Variants in SMPD4 observed in about 807,000 individuals in gnomAD.
SMPD4 encodes sphingomyelin phosphodiesterase 4, also known as neutral sphingomyelinase 3.
In SMPD4, 58 loss-of-function variants were observed where a neutral mutation model predicts 97.8. That is an observed-to-expected ratio of 0.59 (90% CI 0.48 to 0.74). SMPD4 has a LOEUF of 0.74. Ranked by LOEUF, SMPD4 falls within the 30% of genes least tolerant of loss-of-function variation. SMPD4 has a pLI of 0.00. For missense variants in SMPD4, 853 were observed against 1,080.5 expected (o/e 0.79, Z 2.95); for synonymous variants, 388 against 450.0 (o/e 0.86, Z 1.74).
chr2:130,155,603 G>T (rs1052708428), intron 14 of SMPD4, among the ~76,000 whole-genome samples: 14 of 152,078 alleles, frequency 9.2e-5, no homozygotes, highest in Admixed American at 4.6e-4. Flanking sequence ...GGGCAAGGAG[G>T]GGAGGGATCA....
At chr2:130,181,656 C>A (rs1423310876), upstream of SMPD4, 15 of 1,551,530 alleles carry the variant, frequency 9.7e-6, no homozygotes, top group Non-Finnish European at 3.5e-6. Flanking sequence ...GCTTCCACCT[C>A]TTTGGGCCGT....
intron 3 of SMPD4, 147 bp from the exon 4 acceptor site, chr2:130,173,803 C>G: frequency 1.9e-6 from 2 of 1,045,202 alleles, no homozygotes; most frequent in Non-Finnish European, 2.8e-6. Flanking sequence ...CCAAAGGAAG[C>G]CTGGTGCCAT....
At chr2:130,154,662 G>A (rs750888967) in intron 15 of SMPD4, 180 bp from the exon 16 acceptor site, 1 of 743,178 alleles carries the variant, frequency 1.3e-6, no homozygotes, top group Non-Finnish European at 2.3e-6. Flanking sequence ...GAGGGCGGAT[G>A]GGGGAGCTGC....
At chr2:130,164,256 G>C in intron 10 of SMPD4, 118 bp downstream of exon 10, 6 of 841,048 alleles carry the variant, frequency 7.1e-6, no homozygotes, top group African/African-American at 1.7e-5. Context: ...TGACAGGTGG[G>C]TGGTGGGTTT....
chr2:130,173,451 G>A, intron 4 of SMPD4, 63 bp downstream of exon 4: 2 of 1,588,830 alleles, frequency 1.3e-6, no homozygotes, highest in Non-Finnish European at 1.7e-6. Flanking sequence ...TTCAGAGAGT[G>A]CTTTAAAGGT....
rs181441799 is a variant in SMPD4 at position 130,175,110 on chromosome 2, C to T, written c.40-110G>A. ...TCCAAGCAATAGGTTATGAGTCAGA[C>T]CCATAACCTCTGGCCTGGTTCCCCA... On this transcript the variant is annotated intron_variant, in intron 2 of 19. Transcript: ENST00000680298. The T allele has an allele frequency of 1.8e-4, 135 of 745,712 alleles. No individual in the cohort carries two copies. The East Asian group carries it at 3.4e-3, about 19-fold the overall frequency. 46.2% of individuals were successfully genotyped at this position (745,712 alleles called of 1,614,324 possible).
At chr2:130,181,660 G>C, upstream of SMPD4, 1 of 1,551,302 alleles carries the variant, frequency 6.4e-7, no homozygotes, top group Non-Finnish European at 8.7e-7. Flanking sequence ...CCACCTCTTT[G>C]GGCCGTTACC....
Position 130,157,286 on chromosome 2 carries a change from G to T in SMPD4, c.1062C>A (p.His354Gln), listed in dbSNP as rs1401529865. The change falls in exon 12 of 20, where the codon CAC (histidine) becomes CAA (glutamine). Residue 354 changes from histidine to glutamine, a missense_variant. Physicochemically the swap from His to Gln is conservative, Grantham distance 24. Transcript: ENST00000680298. ...LKPEQASPSA[H>Q]SHATSPLEEF... ...CCTCCAGGGGGCTGGTGGCGTGGGA[G>T]TGGGCGGAGGGTGAGGCCTGCTCTG... 6.4e-7 allele frequency: 1 copy of T among 1,562,038 alleles called. No homozygotes were observed. The highest frequency in any genetic ancestry group is 8.7e-7 in the Non-Finnish European group (1 of 1,152,988).
Position 130,167,441 on chromosome 2 carries a change from AC to A in SMPD4, c.792+16del. 1 of 1,612,506 alleles carries A rather than the reference AC, an allele frequency of 6.2e-7. No homozygotes were observed. Among genetic ancestry groups the A allele is most frequent in the Non-Finnish European group, 8.5e-7 (1 of 1,179,696 alleles). On this transcript the variant is annotated intron_variant, in intron 9 of 19. Coordinates refer to ENST00000680298, the MANE Select transcript of SMPD4 (RefSeq NM_017951.5). ...CCAGCTGGCTGAACAGTTTCTTTTGACCAGCTCAACTCTCACCTGGAGCAGA... is the reference window on the plus strand; with the variant it reads ...CCAGCTGGCTGAACAGTTTCTTTTGACAGCTCAACTCTCACCTGGAGCAGA...
chr2:130,162,489 G>A (rs1573690225), intron 10 of SMPD4, among the ~76,000 whole-genome samples: 1 of 152,354 alleles, frequency 6.6e-6, no homozygotes, highest in East Asian at 1.9e-4. Flanking sequence ...CTGGGGCTCA[G>A]GGAGGAATCA....
At chr2:130,160,115 G>A (rs1365480004) in intron 11 of SMPD4, among the ~76,000 whole-genome samples, 1 of 152,012 alleles carries the variant, frequency 6.6e-6, no homozygotes. Flanking sequence ...TTCCCACTGG[G>A]CTGAGACTCA....
intron 19 of SMPD4, 27 bp downstream of exon 19, chr2:130,153,016 G>A (rs372272450): frequency 1.2e-5 from 20 of 1,601,126 alleles, no homozygotes; most frequent in Admixed American, 1.7e-5. Context: ...CTCTGAAGAC[G>A]CCAGGCCAGC....
chr2:130,181,685 C>CGCA (rs1229610366), upstream of SMPD4: 9 of 1,548,340 alleles, frequency 5.8e-6, no homozygotes, highest in East Asian at 2.2e-4. Flanking sequence ...AAGGCGCGTG[C>CGCA]GCAAAGCGAA....
At chr2:130,181,285 C>A in intron 1 of SMPD4, 1 of 1,395,906 alleles carries the variant, frequency 7.2e-7, no homozygotes, top group Admixed American at 3.0e-5. Context: ...TAACCTTCAG[C>A]GAACACCTAC....
intron 7 of SMPD4, 56 bp from the exon 8 acceptor site, chr2:130,172,556 C>T: frequency 6.2e-7 from 1 of 1,613,290 alleles, no homozygotes; most frequent in Non-Finnish European, 8.5e-7. Flanking sequence ...GGCCACCAAG[C>T]ACCAACAAGT....
At chr2:130,171,947 C>A (rs1274862667) in intron 8 of SMPD4, among the ~76,000 whole-genome samples, 5 of 152,242 alleles carry the variant, frequency 3.3e-5, no homozygotes, top group African/African-American at 4.8e-5. Flanking sequence ...ACAAAACAGG[C>A]TCTTTGGCCC....
At chr2:130,171,169 A>G (rs936683170) in intron 8 of SMPD4, among the ~76,000 whole-genome samples, 2 of 151,136 alleles carry the variant, frequency 1.3e-5, no homozygotes, top group Admixed American at 1.3e-4. Flanking sequence ...CAGTGGTGCA[A>G]TCTCAGCTCA....
At position 130,155,250 on chromosome 2, in the gene SMPD4, A is replaced by C. The variant is rs761574064; in HGVS notation, c.1299T>G (p.Phe433Leu). ...PRCVSEKWAPFVQENLLMYTK... is the reference protein window; with the variant it reads ...PRCVSEKWAPLVQENLLMYTK... ...TGTACATCAGCAGGTTCTCCTGGACAAAGGGTGCCCTGGGGACCGAGGTGG... is the reference window on the plus strand; with the variant it reads ...TGTACATCAGCAGGTTCTCCTGGACCAAGGGTGCCCTGGGGACCGAGGTGG... The change falls in exon 15 of 20, where the codon TTT becomes TTG. Residue 433 changes from phenylalanine (F) to leucine (L), a missense_variant. This residue lies in a region of SMPD4 where 511 missense variants were observed against 608.1 expected (regional missense o/e 0.84). Coordinates refer to ENST00000680298, the MANE Select transcript of SMPD4 (RefSeq NM_017951.5). 6.2e-7 allele frequency: 1 copy of C among 1,614,092 alleles called. No individual in the cohort carries two copies. The highest frequency in any genetic ancestry group is 8.5e-7 in the Non-Finnish European group (1 of 1,179,986).
chr2:130,171,152 G>A (rs1477653330), intron 8 of SMPD4, among the ~76,000 whole-genome samples: 1 of 140,918 alleles, frequency 7.1e-6, no homozygotes, highest in Admixed American at 7.2e-5. Context: ...TTTTTTGTGT[G>A]TGTGTACAGT....
Sources: gnomAD v4.1 joint callset for allele counts (sites outside exome capture counted in the v4.1 genomes callset) on GRCh38, gnomAD v4.1.1 for gene constraint, gnomAD v4.1.1 regional missense constraint, MANE v1.5 for transcripts, NCBI Gene and HGNC (gene_info 2026-07-23, HGNC 2026-07-21) for gene names.